Variants in PLAC1 observed in about 807,000 individuals in gnomAD.
The protein encoded by PLAC1 is placenta-specific protein 1.
For synonymous variants in PLAC1, 68 were observed against 62.1 expected (o/e 1.09, Z -0.44); for missense variants, 136 against 163.2 (o/e 0.83, Z 0.91).
At chrX:134,641,236 T>C (rs772806534) in intron 1 of PLAC1, among the ~76,000 whole-genome samples, 68 of 110,887 alleles carry the variant, frequency 6.1e-4, no homozygotes, top group African/African-American at 2.1e-3. Context: ...CTGGGCAACA[T>C]AGTGAGATCC....
At chrX:134,696,984 G>A (rs757201775) in intron 2 of PLAC1, among the ~76,000 whole-genome samples, 32 of 106,643 alleles carry the variant, frequency 3.0e-4, no homozygotes, top group Non-Finnish European at 5.6e-4. Context: ...AGGGAGCCGA[G>A]ATCGCGCCAC....
chrX:134,681,568 T>C (rs1392698854), intron 2 of PLAC1, among the ~76,000 whole-genome samples: 2 of 111,707 alleles, frequency 1.8e-5, no homozygotes, highest in Non-Finnish European at 3.8e-5. Flanking sequence ...GGAGTCTTTG[T>C]GCAAAGGAGC....
intron 1 of PLAC1, among the ~76,000 whole-genome samples, chrX:134,632,870 T>C (rs1011353266): frequency 1.8e-5 from 2 of 111,002 alleles, no homozygotes; most frequent in African/African-American, 6.6e-5. Context: ...CTGATGTGGT[T>C]TTCATCTGGC....
chrX:134,690,935 C>A (rs1179346737), intron 2 of PLAC1, among the ~76,000 whole-genome samples: 4 of 43,321 alleles, frequency 9.2e-5, no homozygotes, highest in Non-Finnish European at 3.6e-5. Context: ...GAGCAAGATT[C>A]CGTCTCAAAA....
At chrX:134,649,002 C>G (rs2078348524) in intron 1 of PLAC1, among the ~76,000 whole-genome samples, 1 of 111,963 alleles carries the variant, frequency 8.9e-6, no homozygotes, top group African/African-American at 3.3e-5. Flanking sequence ...GGCGCAGTGG[C>G]TCACGTCTGT....
intron 1 of PLAC1, among the ~76,000 whole-genome samples, chrX:134,749,162 C>T (rs995505684): frequency 5.4e-5 from 6 of 111,697 alleles, no homozygotes; most frequent in African/African-American, 2.0e-4. Flanking sequence ...ACAAAAAATA[C>T]AACAATTAGG....
At chrX:134,689,079 G>A (rs1161718706) in intron 2 of PLAC1, among the ~76,000 whole-genome samples, 1 of 111,699 alleles carries the variant, frequency 9.0e-6, no homozygotes, top group Non-Finnish European at 1.9e-5. Context: ...CTTTGAATGA[G>A]TCACTGATTT....
intron 2 of PLAC1, among the ~76,000 whole-genome samples, chrX:134,588,553 C>A (rs964874869): frequency 2.0e-4 from 22 of 109,659 alleles, no homozygotes; most frequent in African/African-American, 7.3e-4. Context: ...GGGGAGCAGG[C>A]CCAGGATGGA....
chrX:134,628,825 C>T (rs2124415139), intron 1 of PLAC1, among the ~76,000 whole-genome samples: 1 of 111,818 alleles, frequency 8.9e-6, no homozygotes, highest in South Asian at 3.8e-4. Flanking sequence ...GTTTCCTTAT[C>T]AGTGAAGTGA....
rs780361438 is a variant in PLAC1 at position 134,627,038 on chromosome X, T to C, written c.-130-24916A>G. Reference sequence around the variant, plus strand: ...GCTTGGGTGACAGAGTGAGACCCTTTCCCTTAAAAAAAAAAATGACAGCCA... The same window carrying C: ...GCTTGGGTGACAGAGTGAGACCCTTCCCCTTAAAAAAAAAAATGACAGCCA... On this transcript the variant is annotated intron_variant, in intron 1 of 2. Transcript: ENST00000359237. Among the ~76,000 whole-genome samples the C allele has an allele frequency of 4.7e-3, 509 of 109,452 alleles. 2 individuals carry two copies. The highest frequency in any genetic ancestry group is 6.4e-3 in the Non-Finnish European group (337 of 52,431).
intron 1 of PLAC1, among the ~76,000 whole-genome samples, chrX:134,635,749 C>T (rs1441605423): frequency 8.9e-6 from 1 of 111,949 alleles, no homozygotes; most frequent in Non-Finnish European, 1.9e-5. Flanking sequence ...CACTTTGAAT[C>T]TCATCAGGAT....
chrX:134,628,671 T>C (rs1266717404), intron 1 of PLAC1, among the ~76,000 whole-genome samples: 1 of 112,413 alleles, frequency 8.9e-6, no homozygotes, highest in Non-Finnish European at 1.9e-5. Context: ...AGAATCCTAA[T>C]GTTATGCCTG....
chrX:134,585,175 C>CAAAAAAAA (rs56343935), intron 2 of PLAC1, among the ~76,000 whole-genome samples: 123 of 33,463 alleles, frequency 3.7e-3, no homozygotes, highest in Non-Finnish European at 4.0e-3. Context: ...ACTAAAAGTA[C>CAAAAAAAA]AAAAAAAAAA....
chrX:134,668,854 C>T (rs1017987304), intron 2 of PLAC1, among the ~76,000 whole-genome samples: 2 of 112,703 alleles, frequency 1.8e-5, no homozygotes, highest in Non-Finnish European at 3.8e-5. Context: ...TCCCACCCTA[C>T]CCACCTCCCC....
At chrX:134,748,286 C>T (rs192875844) in intron 1 of PLAC1, among the ~76,000 whole-genome samples, 38 of 105,679 alleles carry the variant, frequency 3.6e-4, no homozygotes, top group African/African-American at 1.3e-3. Context: ...GCCAAGATCA[C>T]GCCACTGTAC....
At chrX:134,606,249 A>G (rs1440895863) in intron 1 of PLAC1, 1 of 110,643 alleles carries the variant, frequency 9.0e-6, no homozygotes, top group Non-Finnish European at 1.9e-5. Context: ...CTCAAAAAAA[A>G]AAAAAAGTTG....
intron 1 of PLAC1, among the ~76,000 whole-genome samples, chrX:134,762,307 T>C (rs1366658941): frequency 9.2e-6 from 1 of 108,989 alleles, no homozygotes; most frequent in Non-Finnish European, 1.9e-5. Context: ...AACTCTTGAG[T>C]TGTTCCCTAC....
At chrX:134,617,969 G>C (rs2078192719) in intron 1 of PLAC1, among the ~76,000 whole-genome samples, 1 of 112,033 alleles carries the variant, frequency 8.9e-6, no homozygotes, top group Non-Finnish European at 1.9e-5. Flanking sequence ...TCATATGGCT[G>C]TTTTGAGGAT....
chrX:134,603,555 C>T (rs760600074), intron 1 of PLAC1, among the ~76,000 whole-genome samples: 12 of 104,536 alleles, frequency 1.1e-4, no homozygotes, highest in East Asian at 6.0e-4. Context: ...AGGATGGTCT[C>T]GATCCCCTGA....
Sources: allele counts gnomAD v4.1 joint callset (sites outside exome capture counted in the v4.1 genomes callset), GRCh38; gene constraint gnomAD v4.1.1; transcripts MANE v1.5; gene names NCBI Gene and HGNC (gene_info 2026-07-23, HGNC 2026-07-21).